Variants in MOB1A observed in about 807,000 individuals in gnomAD.
MOB1A encodes the protein MOB1 Mps One Binder homolog A.
Under a neutral mutation model 25.1 loss-of-function variants are expected in MOB1A, and 10 were observed. That is an observed-to-expected ratio of 0.40 (90% confidence interval 0.25 to 0.68). The LOEUF (loss-of-function observed/expected upper bound fraction) is 0.68, where lower values mean the gene tolerates loss of function less well. Ranked by LOEUF, MOB1A falls within the 30% of genes least tolerant of loss-of-function variation. The probability of loss-of-function intolerance (pLI) is 0.40; values close to 1 mark genes in which losing one functional copy is unlikely to be tolerated. For missense variants in MOB1A, 177 were observed against 256.3 expected, an observed-to-expected ratio of 0.69 and a Z score of 2.11; for synonymous variants, 81 against 79.5, an observed-to-expected ratio of 1.02 and a Z score of -0.10.
chr2:74,162,873 A>G (rs1192097347), intron 4 of MOB1A, among the ~76,000 whole-genome samples: 1 of 151,864 alleles, frequency 6.6e-6, no homozygotes, highest in Non-Finnish European at 1.5e-5. Context: ...ATATTAACAA[A>G]TACTCTTCCA....
intron 2 of MOB1A, among the ~76,000 whole-genome samples, chr2:74,168,864 G>A (rs72917190): frequency 0.013 from 1,978 of 152,282 alleles, 34 homozygotes; most frequent in African/African-American, 0.045. Flanking sequence ...TGCCCAGGTG[G>A]AAGTTGGTTT....
At chr2:74,167,692 C>A (rs1225604076) in intron 2 of MOB1A, among the ~76,000 whole-genome samples, 1 of 152,066 alleles carries the variant, frequency 6.6e-6, no homozygotes, top group Non-Finnish European at 1.5e-5. Flanking sequence ...AGAAGGTGCA[C>A]CAGCTGTATC....
In MOB1A at chr2:74,159,033, T is replaced by C. The variant is rs192817421; in HGVS notation, c.573+58A>G. ...TAAGACACACAGCTCTTTGTTGAAG[T>C]TCCCAATCCAAATAAGTCCAAGTCA... On this transcript the variant is annotated intron_variant, in intron 5 of 5. Coordinates refer to ENST00000396049, the MANE Select transcript of MOB1A (RefSeq NM_018221.5). 2.3e-4 allele frequency: 353 copies of C among 1,555,970 alleles called. 2 individuals are homozygous for C. In the East Asian group the frequency reaches 7.4e-3, roughly 33 times the overall value.
At chr2:74,171,185 G>A (rs1466500585) in intron 2 of MOB1A, among the ~76,000 whole-genome samples, 2 of 151,856 alleles carry the variant, frequency 1.3e-5, no homozygotes, top group Non-Finnish European at 2.9e-5. Flanking sequence ...GGGAGGCTGA[G>A]GCAGGAGAAT....
In MOB1A at chr2:74,153,814, T is replaced by C. The variant is rs1044461020; in HGVS notation, c.*2754A>G. 1.1e-4 allele frequency: 16 copies of C among 152,186 alleles called. No homozygotes were observed. The highest frequency in any genetic ancestry group is 3.9e-4 in the African/African-American group (16 of 41,444). The allele number at this position is 152,186 out of a possible 1,614,324, so 9.4% of individuals were successfully genotyped here. On this transcript the variant is annotated 3_prime_UTR_variant, in exon 6 of 6. Coordinates refer to ENST00000396049, the MANE Select transcript of MOB1A (RefSeq NM_018221.5). Reference sequence around the variant, plus strand: ...GCAAGGGGGAAGGGAGTGAGTGTTATGGAACAGGCAAACCTTGGGCATGGG... The same window carrying C: ...GCAAGGGGGAAGGGAGTGAGTGTTACGGAACAGGCAAACCTTGGGCATGGG...
chr2:74,178,254 T>G, intron 1 of MOB1A: 1 of 156,948 alleles, frequency 6.4e-6, no homozygotes. Context: ...TGGGGCGGCA[T>G]TTAACACCGA....
intron 4 of MOB1A, among the ~76,000 whole-genome samples, chr2:74,161,611 T>G (rs985054628): frequency 2.1e-5 from 3 of 144,662 alleles, no homozygotes; most frequent in Non-Finnish European, 4.5e-5. Context: ...ATCATGCCAC[T>G]GCACTCCAGC....
chr2:74,162,697 CA>C (rs1693007995), intron 4 of MOB1A, among the ~76,000 whole-genome samples: 1 of 152,152 alleles, frequency 6.6e-6, no homozygotes, highest in East Asian at 1.9e-4. Context: ...TGACCAACAA[CA>C]AACAGACCAA....
chr2:74,170,607 C>A (rs1449229099), intron 2 of MOB1A, among the ~76,000 whole-genome samples: 1 of 150,838 alleles, frequency 6.6e-6, no homozygotes, highest in Non-Finnish European at 1.5e-5. Flanking sequence ...TGGTGGCGGG[C>A]ACCTGTAGTC....
chr2:74,178,564 C>T, intron 1 of MOB1A, 97 bp downstream of exon 1: 1 of 886,108 alleles, frequency 1.1e-6, no homozygotes, highest in Non-Finnish European at 1.5e-6. Context: ...CCCGCCCCCG[C>T]CTCGGCCCCC....
intron 4 of MOB1A, among the ~76,000 whole-genome samples, chr2:74,161,799 T>C (rs1692980748): frequency 6.7e-6 from 1 of 150,156 alleles, no homozygotes; most frequent in African/African-American, 2.5e-5. Flanking sequence ...CTACAAAAAA[T>C]TGAAAATTAG....
At chr2:74,173,673 G>A (rs368835712) in intron 1 of MOB1A, among the ~76,000 whole-genome samples, 4 of 150,216 alleles carry the variant, frequency 2.7e-5, no homozygotes, top group South Asian at 2.1e-4. Context: ...GGGCCATGCC[G>A]GGCGCGGTGG....
At chr2:74,169,485 C>T (rs1229110172) in intron 2 of MOB1A, among the ~76,000 whole-genome samples, 1 of 151,530 alleles carries the variant, frequency 6.6e-6, no homozygotes, top group African/African-American at 2.4e-5. Context: ...GGCGACAGGG[C>T]GATACTGTCT....
chr2:74,176,062 AT>A (rs1693445624), intron 1 of MOB1A, among the ~76,000 whole-genome samples: 1 of 148,146 alleles, frequency 6.8e-6, no homozygotes, highest in Non-Finnish European at 1.5e-5. Flanking sequence ...CCTGACCAAC[AT>A]AGTGAAACCC....
In MOB1A at chr2:74,166,173, A is replaced by G. The variant is rs192589893; in HGVS notation, c.276-822T>C. On this transcript the variant is annotated intron_variant, in intron 3 of 5. Coordinates refer to ENST00000396049, the MANE Select transcript of MOB1A (RefSeq NM_018221.5). ...AATCCCATCATATGATGGACTTAAT[A>G]TTATGAGTGATAGAGTTCCATCTTT... Among the ~76,000 whole-genome samples, 11 of 152,210 alleles carry G rather than the reference A, an allele frequency of 7.2e-5. No homozygotes were observed. The East Asian group carries it at 2.1e-3, about 29-fold the overall frequency.
intron 1 of MOB1A, among the ~76,000 whole-genome samples, chr2:74,174,327 C>T (rs1024733486): frequency 1.3e-5 from 2 of 151,088 alleles, no homozygotes; most frequent in Non-Finnish European, 2.9e-5. Flanking sequence ...CAAGTGCAGT[C>T]GCTCACACCT....
At chr2:74,165,394 TAAC>T in intron 3 of MOB1A, 43 bp from the exon 4 acceptor site, 1 of 1,284,246 alleles carries the variant, frequency 7.8e-7, no homozygotes. Context: ...TCAAAAATAT[TAAC>T]AAATGTGCAA....
chr2:74,163,318 T>C (rs1033827836), intron 4 of MOB1A, among the ~76,000 whole-genome samples: 2 of 152,224 alleles, frequency 1.3e-5, no homozygotes, highest in African/African-American at 4.8e-5. Flanking sequence ...AAGAGTCTGA[T>C]GGTTAATTAT....
At chr2:74,158,578 G>A (rs7562297) in intron 5 of MOB1A, among the ~76,000 whole-genome samples, 57,140 of 151,724 alleles carry the variant, frequency 0.38, 11,166 homozygotes, top group Middle Eastern at 0.48. Flanking sequence ...TCAGGAGTTC[G>A]AGACCAGCCT....
Sources: allele counts gnomAD v4.1 joint callset (sites outside exome capture counted in the v4.1 genomes callset), GRCh38; gene constraint gnomAD v4.1.1; transcripts MANE v1.5; gene names NCBI Gene and HGNC (gene_info 2026-07-23, HGNC 2026-07-21).